FANCI: variants seen among roughly 807,000 people sequenced by gnomAD.
FANCI encodes the protein Fanconi anemia group I protein.
Under a neutral mutation model 176.1 loss-of-function variants are expected in FANCI, and 156 were observed. The ratio of observed to expected loss-of-function variants is 0.89; its 90% CI spans 0.78 to 1.01. FANCI has a LOEUF of 1.01. FANCI is among the 50% of genes least tolerant of loss of function. The pLI is 0.00. For missense variants in FANCI, 1,678 were observed against 1,534.1 expected (o/e 1.09, Z -1.57); for synonymous variants, 613 against 541.7 (o/e 1.13, Z -1.83).
At chr15:89,270,071 A>G (rs1474095961) in intron 10 of FANCI, among the ~76,000 whole-genome samples, 1 of 152,010 alleles carries the variant, frequency 6.6e-6, no homozygotes, top group African/African-American at 2.4e-5. Flanking sequence ...TTGGCCTCCC[A>G]AAGTGCTGAG....
chr15:89,263,917 C>G lies in FANCI; in HGVS notation c.560C>G (p.Thr187Ser). 1 of 1,614,128 alleles carries G rather than the reference C, an allele frequency of 6.2e-7. No homozygotes were observed. Among genetic ancestry groups the G allele is most frequent in the Non-Finnish European group, 8.5e-7 (1 of 1,179,974 alleles). ...LTSMFKDVPLTAEEVEFVVEK... is the reference protein window; with the variant it reads ...LTSMFKDVPLSAEEVEFVVEK... The stretch of plus-strand genomic sequence containing the variant: ...TTGATCCACAGGGATGTCCCTCTGA[C>G]TGCAGAAGAGGTGGAATTTGTGGTG... The change falls in exon 8 of 38, where the codon ACT becomes AGT. Residue 187 changes from threonine (T) to serine (S), a missense_variant. By Grantham distance (58) the Thr-to-Ser change is moderately conservative. Around this residue, in one of 3 missense-constraint regions of FANCI, gnomAD observed 469 missense variants for 436.9 expected, o/e 1.07. Coordinates refer to ENST00000310775, the MANE Select transcript of FANCI (RefSeq NM_001113378.2).
chr15:89,251,571 T>C (rs965326365), intron 2 of FANCI, among the ~76,000 whole-genome samples: 1 of 152,176 alleles, frequency 6.6e-6, no homozygotes, highest in African/African-American at 2.4e-5. Flanking sequence ...AAAGAGGATA[T>C]AGACTAATGT....
In FANCI at chr15:89,316,933, G is replaced by GT; in HGVS notation, c.*476dup. ...GCTAAGGTCAAAAGGAGAGTGAAAG[G>GT]TTGAGAACAATTGCCACGAACGGTA... On this transcript the variant is annotated 3_prime_UTR_variant, in exon 38 of 38. Transcript: ENST00000310775. The GT allele has an allele frequency of 1.2e-6, 1 of 847,748 alleles. No homozygotes were observed. 52.5% of individuals were successfully genotyped at this position (847,748 alleles called of 1,614,324 possible). A position where few individuals can be genotyped will look rare whatever the true frequency, so the allele number is the denominator to read the frequency against.
chr15:89,317,147 G>A (rs780470425), downstream of FANCI: 2 of 603,290 alleles, frequency 3.3e-6, no homozygotes, highest in African/African-American at 1.9e-5. Flanking sequence ...TGTGGTTGAA[G>A]TAGGGGACAG....
rs755028440 is a variant in FANCI, at chr15:89,305,343, T to G, written c.3189T>G (p.Asp1063Glu). The change falls in exon 30 of 38, where the codon GAT becomes GAG. Residue 1063 changes from aspartate (D) to glutamate (E), a missense_variant and splice_region_variant. This residue lies in a region of FANCI where 1,204 missense variants were observed against 1,077.4 expected (regional missense o/e 1.12). Transcript: ENST00000310775. ...CTCACCTCTCTTCTTTTCCCCAGGA[T>G]GTAGAGGTGGAGAAAACAAACCACT... ...IHGHLGDIDQ[D>E]VEVEKTNHFA... 1 of 1,614,172 alleles carries G rather than the reference T, an allele frequency of 6.2e-7. No homozygotes were observed. Among genetic ancestry groups the G allele is most frequent in the Non-Finnish European group, 8.5e-7 (1 of 1,180,028 alleles).
chr15:89,244,677 G>A (rs62020316), intron 1 of FANCI, among the ~76,000 whole-genome samples: 1 of 152,022 alleles, frequency 6.6e-6, no homozygotes, highest in Non-Finnish European at 1.5e-5. Flanking sequence ...GTTTGCATCC[G>A]GTAGTTCAAA....
chr15:89,295,820 G>T (rs2054246605), intron 24 of FANCI, among the ~76,000 whole-genome samples: 1 of 149,520 alleles, frequency 6.7e-6, no homozygotes, highest in African/African-American at 2.5e-5. Context: ...ATTGCCCAGG[G>T]TGGAATGCCG....
At chr15:89,274,673 T>C (rs1400874547) in intron 12 of FANCI, among the ~76,000 whole-genome samples, 2 of 139,102 alleles carry the variant, frequency 1.4e-5, no homozygotes, top group Non-Finnish European at 3.1e-5. Flanking sequence ...GCCACAATCT[T>C]GGCTCACTGC....
At chr15:89,313,072 C>A (rs1290272693) in intron 35 of FANCI, 100 bp downstream of exon 35, 2 of 1,140,850 alleles carry the variant, frequency 1.8e-6, no homozygotes, top group Non-Finnish European at 2.6e-6. Context: ...TTGTATGATT[C>A]CATTTTCATG....
At chr15:89,277,631 A>C (rs1315435423) in intron 13 of FANCI, among the ~76,000 whole-genome samples, 1 of 77,916 alleles carries the variant, frequency 1.3e-5, no homozygotes, top group East Asian at 4.1e-4. Context: ...AAAAAAAAAA[A>C]AGAATCATAC....
At chr15:89,317,192 A>G, downstream of FANCI, 1 of 635,870 alleles carries the variant, frequency 1.6e-6, no homozygotes, top group Non-Finnish European at 2.8e-6. Context: ...TGCTGCCTTC[A>G]TTTCTGAAAC....
In FANCI at chr15:89,301,442, G is replaced by A; in HGVS notation, c.3006G>A (p.Gln1002=). The A allele has an allele frequency of 6.2e-7, 1 of 1,601,098 alleles. No individual in the cohort carries two copies. The highest frequency in any genetic ancestry group is 8.6e-7 in the Non-Finnish European group (1 of 1,168,152). Residue 1002 remains glutamine (Q), a splice_region_variant and synonymous_variant, in exon 27 of 38, where the codon CAG becomes CAA. Coordinates refer to ENST00000310775, the MANE Select transcript of FANCI (RefSeq NM_001113378.2). ...AGTTACTGGAGCCCTCCTCTCCTCA[G>A]GTACTAGTACCGCTAACTTAATCCC... ...LSKLLEPSSP[Q]FVQMLSWTSK... is the part of the protein sequence containing the mutation.
intron 34 of FANCI, chr15:89,308,047 G>GCAGTGCAGTGAGGGCACTT: frequency 1.7e-6 from 2 of 1,159,938 alleles, no homozygotes; most frequent in Non-Finnish European, 2.1e-6. Flanking sequence ...TGATGAGACG[G>GCAGTGCAGTGAGGGCACTT]CAGTGCAGTG....
At chr15:89,290,162 T>A in intron 18 of FANCI, 51 bp from the exon 19 acceptor site, 1 of 1,348,776 alleles carries the variant, frequency 7.4e-7, no homozygotes. Context: ...ATTGTCCAGA[T>A]CACTAGTATC....
intron 2 of FANCI, 104 bp downstream of exon 2, chr15:89,247,835 C>A: frequency 1.2e-6 from 1 of 859,452 alleles, no homozygotes; most frequent in Non-Finnish European, 2.0e-6. Context: ...TCATCTACTC[C>A]CCATTCACTG....
chr15:89,255,010 A>G (rs962729884), intron 2 of FANCI, among the ~76,000 whole-genome samples: 6 of 151,010 alleles, frequency 4.0e-5, no homozygotes, highest in African/African-American at 1.5e-4. Flanking sequence ...CCTTATTCCA[A>G]CTCTCCCCAG....
rs144626072 is a variant in FANCI at position 89,267,804 on chromosome 15, G to A, written c.756-595G>A. On this transcript the variant is annotated intron_variant, in intron 9 of 37. Transcript: ENST00000310775. ...TAGCCGGGCATAGTGGCACATGCCT[G>A]TAGTCCCAGCTACTCAGGAGGCTGA... 2.7e-3 allele frequency among the ~76,000 whole-genome samples: 410 copies of A among 152,250 alleles called. 7 individuals are homozygous for A. The highest frequency in any genetic ancestry group is 0.015 in the East Asian group (77 of 5,166).
At chr15:89,283,044 C>G (rs1225950517) in intron 16 of FANCI, 92 bp from the exon 17 acceptor site, 5 of 1,222,176 alleles carry the variant, frequency 4.1e-6, no homozygotes, top group Non-Finnish European at 6.0e-6. Flanking sequence ...ATACATATGC[C>G]TTCTCTGTAT....
At chr15:89,248,926 A>C (rs1381823408) in intron 2 of FANCI, among the ~76,000 whole-genome samples, 2 of 152,164 alleles carry the variant, frequency 1.3e-5, no homozygotes, top group African/African-American at 2.4e-5. Flanking sequence ...GGTGACTTAC[A>C]CCTGTAGTCC....
Sources: gnomAD v4.1 joint callset for allele counts (sites outside exome capture counted in the v4.1 genomes callset) on GRCh38, gnomAD v4.1.1 for gene constraint, gnomAD v4.1.1 regional missense constraint, MANE v1.5 for transcripts, NCBI Gene and HGNC (gene_info 2026-07-23, HGNC 2026-07-21) for gene names.